DSTYK: variants seen among roughly 807,000 people sequenced by gnomAD.
DSTYK encodes the protein RIP-homologous kinase.
DSTYK carries 34 observed loss-of-function variants against 98.7 expected under a neutral mutation model. The observed-to-expected ratio is 0.34, with a 90% CI of 0.26 to 0.46. DSTYK has a LOEUF of 0.46. DSTYK is among the 20% of genes least tolerant of loss of function. The pLI, the probability that DSTYK is intolerant of heterozygous loss-of-function variation, is 1.00. For missense variants in DSTYK, 962 were observed against 1,181.7 expected (o/e 0.81, Z 2.73); for synonymous variants, 462 against 457.3 (o/e 1.01, Z -0.13).
chr1:205,154,211 G>GA (rs1476869051), intron 10 of DSTYK, among the ~76,000 whole-genome samples: 3 of 151,846 alleles, frequency 2.0e-5, no homozygotes, highest in South Asian at 2.1e-4. Flanking sequence ...AGTGTAGGGG[G>GA]AAAAAACCTT....
At chr1:205,208,329 A>G (rs556361224) in intron 1 of DSTYK, among the ~76,000 whole-genome samples, 1 of 152,336 alleles carries the variant, frequency 6.6e-6, no homozygotes, top group East Asian at 1.9e-4. Flanking sequence ...AATTTTTGGT[A>G]TCATATGGCA....
At chr1:205,179,471 A>T (rs1411115134) in intron 2 of DSTYK, among the ~76,000 whole-genome samples, 1 of 151,534 alleles carries the variant, frequency 6.6e-6, no homozygotes, top group African/African-American at 2.4e-5. Context: ...ATATAAAAAA[A>T]TTAGCCGGGC....
At chr1:205,191,889 TG>T (rs1252865719) in intron 1 of DSTYK, among the ~76,000 whole-genome samples, 1 of 152,210 alleles carries the variant, frequency 6.6e-6, no homozygotes, top group East Asian at 1.9e-4. Flanking sequence ...CATCTGCATA[TG>T]GGCTGCCAGA....
intron 11 of DSTYK, among the ~76,000 whole-genome samples, chr1:205,149,919 TC>T (rs1051989257): frequency 3.3e-5 from 5 of 152,228 alleles, no homozygotes; most frequent in African/African-American, 1.2e-4. Flanking sequence ...TTTCTCTCCT[TC>T]ATGCTACAGG....
At chr1:205,177,259 G>T (rs1481787880) in intron 2 of DSTYK, among the ~76,000 whole-genome samples, 1 of 152,096 alleles carries the variant, frequency 6.6e-6, no homozygotes, top group African/African-American at 2.4e-5. Context: ...TATGTACGCA[G>T]GCTAAAGTTG....
intron 12 of DSTYK, 35 bp downstream of exon 12, chr1:205,148,170 G>A: frequency 6.2e-7 from 1 of 1,613,338 alleles, no homozygotes; most frequent in Non-Finnish European, 8.5e-7. Context: ...CGCTAGCCAG[G>A]GGAGTTAGGA....
chr1:205,163,678 T>G, intron 4 of DSTYK, 45 bp downstream of exon 4: 2 of 1,482,092 alleles, frequency 1.3e-6, no homozygotes, highest in Non-Finnish European at 1.9e-6. Context: ...AGATTTTTCA[T>G]GTGCTATCTA....
intron 1 of DSTYK, among the ~76,000 whole-genome samples, chr1:205,195,686 A>C (rs577520292): frequency 6.6e-6 from 1 of 152,354 alleles, no homozygotes; most frequent in African/African-American, 2.4e-5. Flanking sequence ...AAGTCTCTCT[A>C]AAGTTATTCT....
chr1:205,148,096 C>T (rs1249209891), intron 12 of DSTYK, 109 bp downstream of exon 12: 2 of 1,328,218 alleles, frequency 1.5e-6, no homozygotes, highest in Admixed American at 2.1e-5. Flanking sequence ...GTATCTACGG[C>T]CCTGCTATGG....
rs768808653 is a variant in DSTYK, at chr1:205,211,511, C to G, written c.25G>C (p.Gly9Arg). The G allele has an allele frequency of 1.9e-6, 3 of 1,560,150 alleles. No individual in the cohort carries two copies. In the Admixed American group the frequency reaches 5.4e-5, roughly 28 times the overall value. The change falls in exon 1 of 13, where the codon GGC (glycine) becomes CGC (arginine). Residue 9 changes from glycine to arginine, a missense_variant. Coordinates refer to ENST00000367162, the MANE Select transcript of DSTYK (RefSeq NM_015375.3). MEGDGVPW[G>R]SEPVSGPGPG... ...CCGGGACCCGAGACGGGCTCGCTGCCCCATGGCACCCCGTCGCCCTCCATC... is the reference window on the plus strand; with the variant it reads ...CCGGGACCCGAGACGGGCTCGCTGCGCCATGGCACCCCGTCGCCCTCCATC...
intron 1 of DSTYK, among the ~76,000 whole-genome samples, chr1:205,195,922 G>T (rs370984184): frequency 5.9e-5 from 9 of 152,320 alleles, no homozygotes; most frequent in African/African-American, 1.9e-4. Context: ...AGGCTTTAAC[G>T]TATGGGACGC....
intron 3 of DSTYK, among the ~76,000 whole-genome samples, chr1:205,164,465 CT>C (rs11438607): frequency 4.4e-4 from 63 of 143,234 alleles, no homozygotes; most frequent in Admixed American, 6.3e-4. Flanking sequence ...ATTTTGTTAG[CT>C]TTTTTTTTTT....
chr1:205,183,899 A>T (rs2102443797), intron 2 of DSTYK, among the ~76,000 whole-genome samples: 1 of 152,298 alleles, frequency 6.6e-6, no homozygotes, highest in Non-Finnish European at 1.5e-5. Context: ...AACTACAGGG[A>T]TCTGGTATGA....
chr1:205,165,070 T>C (rs1657848114), intron 3 of DSTYK, among the ~76,000 whole-genome samples: 1 of 151,980 alleles, frequency 6.6e-6, no homozygotes, highest in Non-Finnish European at 1.5e-5. Flanking sequence ...AACCCAAGAG[T>C]CAGGAATTGT....
chr1:205,206,973 T>C (rs1558629948), intron 1 of DSTYK, among the ~76,000 whole-genome samples: 1 of 152,264 alleles, frequency 6.6e-6, no homozygotes, highest in Middle Eastern at 3.4e-3. Flanking sequence ...ACAGCACAGT[T>C]GTGATTTGTC....
chr1:205,205,235 C>T lies in DSTYK; in HGVS notation c.265+6036G>A, dbSNP rs1203832497. Among the ~76,000 whole-genome samples, 6 of 152,230 alleles carry T rather than the reference C, an allele frequency of 3.9e-5. No homozygotes were observed. In the East Asian group the frequency reaches 1.2e-3, roughly 29 times the overall value. On this transcript the variant is annotated intron_variant, in intron 1 of 12. Coordinates refer to ENST00000367162, the MANE Select transcript of DSTYK (RefSeq NM_015375.3). ...CCACAGAGTACACCCATCCCAGTCT[C>T]AGCACTGCTGTCACTGTGCTCCACC...
At chr1:205,189,783 A>C (rs1658658073) in intron 1 of DSTYK, among the ~76,000 whole-genome samples, 1 of 152,178 alleles carries the variant, frequency 6.6e-6, no homozygotes, top group African/African-American at 2.4e-5. Context: ...CCTGGCCCGC[A>C]CATATACATC....
intron 9 of DSTYK, among the ~76,000 whole-genome samples, chr1:205,157,753 C>T (rs560679498): frequency 1.5e-5 from 2 of 133,036 alleles, no homozygotes; most frequent in Admixed American, 8.3e-5. Context: ...CAGAGCAAGA[C>T]TCTGTCTCAA....
At chr1:205,182,581 G>A (rs1297173534) in intron 2 of DSTYK, among the ~76,000 whole-genome samples, 3 of 150,704 alleles carry the variant, frequency 2.0e-5, no homozygotes, top group Non-Finnish European at 3.0e-5. Context: ...CGAGGTGGGC[G>A]GATAACCTGA....
Sources: gnomAD v4.1 joint callset for allele counts (sites outside exome capture counted in the v4.1 genomes callset) on GRCh38, gnomAD v4.1.1 for gene constraint, MANE v1.5 for transcripts, NCBI Gene and HGNC (gene_info 2026-07-23, HGNC 2026-07-21) for gene names.